Variants in CRACDL observed in about 807,000 individuals in gnomAD.
CRACDL encodes the protein CRACD like.
CRACDL carries 26 observed loss-of-function variants against 70.6 expected under a neutral mutation model. That is an observed-to-expected ratio of 0.37 (90% CI 0.27 to 0.51). The LOEUF is 0.51. Ranked by LOEUF, CRACDL falls within the 20% of genes least tolerant of loss-of-function variation. The probability of loss-of-function intolerance (pLI) is 0.94; values close to 1 mark genes in which losing one functional copy is unlikely to be tolerated. For missense variants in CRACDL, 1,283 were observed against 1,376.9 expected, an observed-to-expected ratio of 0.93 and a Z score of 1.08; for synonymous variants, 618 against 615.2, an observed-to-expected ratio of 1.00 and a Z score of -0.07.
At position 98,838,141 on chromosome 2, in the gene CRACDL, A is replaced by G; in HGVS notation, c.217T>C (p.Tyr73His). The change falls in exon 3 of 10, where the codon TAC (tyrosine) becomes CAC (histidine). Residue 73 changes from tyrosine to histidine, a missense_variant. Physicochemically the swap from Tyr to His is moderately conservative, Grantham distance 83. Transcript: ENST00000397899. ...TACTCCAGCTCATCCTCGGAGTCGTAGCCCACTGGCCCGGATTCGATGGCA... is the reference window on the plus strand; with the variant it reads ...TACTCCAGCTCATCCTCGGAGTCGTGGCCCACTGGCCCGGATTCGATGGCA... ...VIAIESGPVG[Y>H]DSEDELEESR... is the part of the protein sequence containing the mutation. 2 of 1,610,162 alleles carry G rather than the reference A, an allele frequency of 1.2e-6. No homozygotes were observed. The highest frequency in any genetic ancestry group is 1.7e-6 in the Non-Finnish European group (2 of 1,178,422).
intron 9 of CRACDL, among the ~76,000 whole-genome samples, chr2:98,795,148 T>A (rs1703764704): frequency 7.0e-6 from 1 of 143,608 alleles, no homozygotes; most frequent in African/African-American, 2.6e-5. Context: ...CAATCTCAGC[T>A]CCCTGCAATC....
chr2:98,843,579 G>A (rs1315375517), intron 2 of CRACDL, among the ~76,000 whole-genome samples: 1 of 152,102 alleles, frequency 6.6e-6, no homozygotes, highest in African/African-American at 2.4e-5. Flanking sequence ...AGGTATATTT[G>A]CATATGAATG....
intron 7 of CRACDL, among the ~76,000 whole-genome samples, chr2:98,807,502 A>G (rs1053832839): frequency 2.6e-5 from 4 of 152,166 alleles, no homozygotes; most frequent in Non-Finnish European, 5.9e-5. Context: ...GGCACTGCCA[A>G]TGTCTGCTGG....
intron 1 of CRACDL, among the ~76,000 whole-genome samples, chr2:98,859,676 T>G (rs569149678): frequency 4.6e-5 from 7 of 152,254 alleles, no homozygotes; most frequent in South Asian, 2.1e-4. Context: ...ACAAAGGGCA[T>G]CTATGAAAAA....
At chr2:98,913,613 A>T (rs1708596244) in intron 1 of CRACDL, among the ~76,000 whole-genome samples, 1 of 152,146 alleles carries the variant, frequency 6.6e-6, no homozygotes, top group Non-Finnish European at 1.5e-5. Context: ...CTCACCCAGG[A>T]GTCCCTTAGT....
In CRACDL at chr2:98,797,199, C is replaced by T. The variant is rs139594463; in HGVS notation, c.2604+151G>A. The stretch of plus-strand genomic sequence containing the variant: ...ATTTGGCAAGTCATTTATTTTGCTT[C>T]ATTGGCTCTCGACCACACATCCACA... On this transcript the variant is annotated intron_variant, in intron 8 of 9. Coordinates refer to ENST00000397899, the MANE Select transcript of CRACDL (RefSeq NM_207362.3). 1,075 of 719,976 alleles carry T rather than the reference C, an allele frequency of 1.5e-3. 7 individuals carry two copies. The African/African-American group carries it at 0.017, about 11-fold the overall frequency. 44.6% of individuals were successfully genotyped at this position (719,976 alleles called of 1,614,324 possible).
intron 7 of CRACDL, among the ~76,000 whole-genome samples, chr2:98,801,560 T>A (rs528127204): frequency 6.6e-6 from 1 of 152,328 alleles, no homozygotes; most frequent in East Asian, 1.9e-4. Context: ...TAGTGTGGTG[T>A]GAAGATTCCA....
intron 9 of CRACDL, 71 bp downstream of exon 9, chr2:98,796,049 A>C: frequency 6.6e-7 from 1 of 1,526,502 alleles, no homozygotes; most frequent in Non-Finnish European, 9.1e-7. Flanking sequence ...AAACCAAACC[A>C]AAACTCAAAC....
intron 1 of CRACDL, among the ~76,000 whole-genome samples, chr2:98,879,745 C>T (rs963027882): frequency 6.6e-6 from 1 of 152,274 alleles, no homozygotes; most frequent in Admixed American, 6.5e-5. Context: ...AGGGTTTCGC[C>T]GTGTTGCTCA....
chr2:98,881,074 A>G (rs1262541694), intron 1 of CRACDL, among the ~76,000 whole-genome samples: 1 of 152,086 alleles, frequency 6.6e-6, no homozygotes, highest in Non-Finnish European at 1.5e-5. Context: ...GATGGGCCGC[A>G]CTCGGCACCT....
Position 98,827,869 on chromosome 2 carries a change from G to A in CRACDL, c.541-700C>T, listed in dbSNP as rs144450265. Among the ~76,000 whole-genome samples the A allele has an allele frequency of 6.0e-3, 920 of 152,294 alleles. 2 individuals carry two copies. Among genetic ancestry groups the A allele is most frequent in the Non-Finnish European group, 0.01 (682 of 68,036 alleles). On this transcript the variant is annotated intron_variant, in intron 5 of 9. Transcript: ENST00000397899. The stretch of plus-strand genomic sequence containing the variant: ...CTGGAAGCTGAGGGGAAGGTTCAGA[G>A]GTGTGACTTTAGAGGCTGGGGCGCA...
At chr2:98,820,221 G>T (rs1477015145) in intron 7 of CRACDL, among the ~76,000 whole-genome samples, 1 of 151,900 alleles carries the variant, frequency 6.6e-6, no homozygotes, top group Middle Eastern at 3.2e-3. Flanking sequence ...CTGGTTCACA[G>T]ATTTCCATTA....
intron 1 of CRACDL, among the ~76,000 whole-genome samples, chr2:98,849,106 G>A (rs1358149514): frequency 6.6e-6 from 1 of 152,212 alleles, no homozygotes; most frequent in East Asian, 1.9e-4. Context: ...CTCAAGAGAA[G>A]CTGGAGAATC....
intron 7 of CRACDL, 64 bp from the exon 8 acceptor site, chr2:98,797,601 G>C: frequency 6.7e-7 from 1 of 1,496,912 alleles, no homozygotes; most frequent in Non-Finnish European, 9.2e-7. Context: ...CACCCTTTGT[G>C]TCTCCTGCAC....
chr2:98,878,956 T>C (rs1707563090), intron 1 of CRACDL, among the ~76,000 whole-genome samples: 1 of 152,102 alleles, frequency 6.6e-6, no homozygotes, highest in African/African-American at 2.4e-5. Flanking sequence ...TCCAGAAAAA[T>C]GAATGCTATG....
intron 7 of CRACDL, 115 bp from the exon 8 acceptor site, chr2:98,797,652 G>T: frequency 1.1e-6 from 1 of 926,212 alleles, no homozygotes; most frequent in Non-Finnish European, 1.6e-6. Context: ...CAGGGTGTCT[G>T]GGAGAGGATT....
chr2:98,838,353 C>A, intron 2 of CRACDL, 66 bp from the exon 3 acceptor site: 1 of 858,476 alleles, frequency 1.2e-6, no homozygotes, highest in South Asian at 1.9e-5. Flanking sequence ...TGCATGTATG[C>A]AACAGGCACG....
chr2:98,808,597 G>T (rs1356802329), intron 7 of CRACDL, among the ~76,000 whole-genome samples: 1 of 152,072 alleles, frequency 6.6e-6, no homozygotes. Flanking sequence ...ACCAGCCAGT[G>T]CCCCTGGTCC....
At chr2:98,891,706 T>C (rs1183465225) in intron 1 of CRACDL, among the ~76,000 whole-genome samples, 1 of 152,214 alleles carries the variant, frequency 6.6e-6, no homozygotes, top group African/African-American at 2.4e-5. Context: ...ATAAGCCCTT[T>C]ACATTTTTTG....
Sources: allele counts gnomAD v4.1 joint callset (sites outside exome capture counted in the v4.1 genomes callset), GRCh38; gene constraint gnomAD v4.1.1; transcripts MANE v1.5; gene names NCBI Gene and HGNC (gene_info 2026-07-23, HGNC 2026-07-21).